Variants in CACNA2D1 observed in about 807,000 individuals in gnomAD.
CACNA2D1 encodes the protein voltage-dependent calcium channel subunit alpha-2/delta-1.
Under a neutral mutation model 171.5 loss-of-function variants are expected in CACNA2D1, and 53 were observed. That is an observed-to-expected ratio of 0.31 (90% CI 0.25 to 0.39). The LOEUF (loss-of-function observed/expected upper bound fraction) is 0.39. CACNA2D1 is among the 10% of genes least tolerant of loss of function. The pLI, the probability that CACNA2D1 is intolerant of heterozygous loss-of-function variation, is 1.00. For missense variants in CACNA2D1, 903 were observed against 1,299.8 expected, an observed-to-expected ratio of 0.69 and a Z score of 4.69; for synonymous variants, 442 against 443.1, an observed-to-expected ratio of 1.00 and a Z score of 0.03.
chr7:81,991,107 TGAAAATTC>T, intron 21 of CACNA2D1, 70 bp downstream of exon 21: 1 of 782,996 alleles, frequency 1.3e-6, no homozygotes, highest in Non-Finnish European at 2.3e-6. Context: ...GAAAATCACA[TGAAAATTC>T]ACTTGTGAAA....
chr7:82,317,252 A>C (rs1815239476), intron 3 of CACNA2D1, among the ~76,000 whole-genome samples: 1 of 152,212 alleles, frequency 6.6e-6, no homozygotes, highest in Non-Finnish European at 1.5e-5. Flanking sequence ...AGAAGTAGGA[A>C]ATTACTACTG....
intron 4 of CACNA2D1, among the ~76,000 whole-genome samples, chr7:82,149,772 C>CA (rs1319774469): frequency 0.015 from 1,400 of 90,494 alleles, 38 homozygotes; most frequent in African/African-American, 0.04. Context: ...ACTAAAAATA[C>CA]AAAAAAAAAA....
intron 12 of CACNA2D1, chr7:82,028,386 A>T (rs980923393): frequency 2.0e-5 from 3 of 151,858 alleles, no homozygotes; most frequent in Non-Finnish European, 4.4e-5. Context: ...AAGAGCTCTG[A>T]TGGAGATTTA....
chr7:82,218,224 G>A (rs755782022), intron 3 of CACNA2D1, among the ~76,000 whole-genome samples: 6 of 152,108 alleles, frequency 3.9e-5, no homozygotes, highest in African/African-American at 7.2e-5. Flanking sequence ...GTAAGCCACC[G>A]TGTCCGGCCG....
At chr7:82,241,869 T>C (rs1282696501) in intron 3 of CACNA2D1, among the ~76,000 whole-genome samples, 1 of 152,146 alleles carries the variant, frequency 6.6e-6, no homozygotes, top group Non-Finnish European at 1.5e-5. Flanking sequence ...AGGCGGTAAA[T>C]TTGTGTCATT....
At chr7:81,990,286 C>T (rs1797408681) in intron 21 of CACNA2D1, among the ~76,000 whole-genome samples, 1 of 152,040 alleles carries the variant, frequency 6.6e-6, no homozygotes, top group African/African-American at 2.4e-5. Context: ...AATTTTATGT[C>T]TGTGAAATAT....
chr7:82,351,000 T>A (rs995040824), intron 1 of CACNA2D1, among the ~76,000 whole-genome samples: 1 of 152,184 alleles, frequency 6.6e-6, no homozygotes, highest in Non-Finnish European at 1.5e-5. Context: ...ACTTCCCCAT[T>A]CATATTAAAA....
chr7:82,233,846 T>A (rs1370296581), intron 3 of CACNA2D1, among the ~76,000 whole-genome samples: 1 of 152,146 alleles, frequency 6.6e-6, no homozygotes, highest in Admixed American at 6.5e-5. Flanking sequence ...CAATCTTATA[T>A]AGCTTTTCAC....
chr7:82,060,196 A>ATATAATAT, intron 10 of CACNA2D1, among the ~76,000 whole-genome samples: 3 of 10,924 alleles, frequency 2.7e-4, no homozygotes, highest in African/African-American at 5.1e-4. Flanking sequence ...TATATTATAT[A>ATATAATAT]TATATTATAT....
At chr7:82,124,061 A>G (rs1012942646) in intron 5 of CACNA2D1, among the ~76,000 whole-genome samples, 1 of 152,280 alleles carries the variant, frequency 6.6e-6, no homozygotes, top group East Asian at 1.9e-4. Context: ...ATGGATACAA[A>G]GCAATTAATA....
intron 1 of CACNA2D1, among the ~76,000 whole-genome samples, chr7:82,399,054 A>T (rs1441737296): frequency 6.6e-6 from 1 of 152,136 alleles, no homozygotes; most frequent in Non-Finnish European, 1.5e-5. Flanking sequence ...GTAGATCAAC[A>T]CACTCACCAA....
At chr7:82,302,573 C>T (rs1482260024) in intron 3 of CACNA2D1, among the ~76,000 whole-genome samples, 1 of 152,080 alleles carries the variant, frequency 6.6e-6, no homozygotes, top group South Asian at 2.1e-4. Context: ...ACCACCACAC[C>T]CGGGTAATTT....
At chr7:82,369,240 G>A in intron 1 of CACNA2D1, among the ~76,000 whole-genome samples, 1 of 152,014 alleles carries the variant, frequency 6.6e-6, no homozygotes, top group East Asian at 1.9e-4. Context: ...AGTGACTAAT[G>A]CTTAATACAT....
At chr7:82,072,414 T>C (rs1487139353) in intron 7 of CACNA2D1, among the ~76,000 whole-genome samples, 1 of 151,986 alleles carries the variant, frequency 6.6e-6, no homozygotes, top group Non-Finnish European at 1.5e-5. Context: ...CATTCCCATG[T>C]ATTTTTAGGA....
intron 3 of CACNA2D1, among the ~76,000 whole-genome samples, chr7:82,298,963 T>A (rs1370664992): frequency 4.0e-5 from 6 of 149,956 alleles, no homozygotes; most frequent in Non-Finnish European, 7.4e-5. Context: ...CTCGGGAGAC[T>A]GAGGCAGGAG....
intron 2 of CACNA2D1, among the ~76,000 whole-genome samples, chr7:82,345,590 G>T (rs1165205481): frequency 6.6e-6 from 1 of 151,422 alleles, no homozygotes; most frequent in East Asian, 2.0e-4. Flanking sequence ...TTGTTTACAG[G>T]AATATTAAGA....
In CACNA2D1 at chr7:81,947,535, T is replaced by A. The variant is rs1317819914; in HGVS notation, c.*2857A>T. On this transcript the variant is annotated 3_prime_UTR_variant, in exon 39 of 39. Coordinates refer to ENST00000356860, the MANE Select transcript of CACNA2D1 (RefSeq NM_000722.4). Reference sequence around the variant, plus strand: ...TTTAAATGAGGAAAATAAAAAGAAATCATTAATGCAAAATTCTTTCTTGTT... The same window carrying A: ...TTTAAATGAGGAAAATAAAAAGAAAACATTAATGCAAAATTCTTTCTTGTT... The A allele has an allele frequency of 6.6e-6, 1 of 151,914 alleles. No homozygotes were observed. Among genetic ancestry groups the A allele is most frequent in the Non-Finnish European group, 1.5e-5 (1 of 67,852 alleles). 9.4% of individuals were successfully genotyped at this position (151,914 alleles called of 1,614,324 possible).
At chr7:82,060,252 TTAAAAAAAGAATTATAAGAAGATCA>T (rs1806685073) in intron 10 of CACNA2D1, among the ~76,000 whole-genome samples, 151 bp downstream of exon 10, 1 of 89,332 alleles carries the variant, frequency 1.1e-5, no homozygotes, top group Non-Finnish European at 2.2e-5. Flanking sequence ...ATAAAAAACC[TTAAAAAAAGAATTATAAGAAGATCA>T]GTCGCTAAAA....
intron 2 of CACNA2D1, among the ~76,000 whole-genome samples, chr7:82,338,322 A>T (rs114624819): frequency 0.013 from 1,922 of 152,104 alleles, 49 homozygotes; most frequent in African/African-American, 0.044. Flanking sequence ...AAAATTTTTT[A>T]AATTTTTTAT....
Sources: gnomAD v4.1 joint callset for allele counts (sites outside exome capture counted in the v4.1 genomes callset) on GRCh38, gnomAD v4.1.1 for gene constraint, MANE v1.5 for transcripts, NCBI Gene and HGNC (gene_info 2026-07-23, HGNC 2026-07-21) for gene names.